EML6: variants seen among roughly 807,000 people sequenced by gnomAD.
EML6 encodes echinoderm microtubule-associated protein-like 6.
In EML6, 154 loss-of-function variants were observed where a neutral mutation model predicts 240.1. That is an observed-to-expected ratio of 0.64 (90% CI 0.56 to 0.73). EML6 has a LOEUF of 0.73. Among genes scored for constraint, EML6 ranks in the 30% least tolerant of loss-of-function variants. The pLI, the probability that EML6 is intolerant of heterozygous loss-of-function variation, is 0.00. For missense variants in EML6, 2,964 were observed against 2,474.6 expected, an observed-to-expected ratio of 1.20 and a Z score of -4.20; for synonymous variants, 1,148 against 899.0, an observed-to-expected ratio of 1.28 and a Z score of -4.95.
Position 54,789,898 on chromosome 2 carries a change from A to G in EML6, c.198-23334A>G, listed in dbSNP as rs528425255. Among the ~76,000 whole-genome samples, 49 of 152,354 alleles carry G rather than the reference A, an allele frequency of 3.2e-4. 1 individual carries two copies. Among genetic ancestry groups the G allele is most frequent in the African/African-American group, 1.0e-3 (43 of 41,580 alleles). On this transcript the variant is annotated intron_variant, in intron 2 of 41. Coordinates refer to ENST00000356458, the MANE Select transcript of EML6 (RefSeq NM_001039753.4). Reference sequence around the variant, plus strand: ...GAGAGCTTTATGACACAGAATATCTACAAATACTGATTGACTTCTCTGGCT... The same window carrying G: ...GAGAGCTTTATGACACAGAATATCTGCAAATACTGATTGACTTCTCTGGCT...
chr2:54,776,650 C>A (rs987362765), intron 2 of EML6, among the ~76,000 whole-genome samples: 1 of 152,084 alleles, frequency 6.6e-6, no homozygotes, highest in African/African-American at 2.4e-5. Flanking sequence ...CAGCATTATG[C>A]AATACATGCA....
At chr2:54,937,299 C>G (rs34455501) in intron 28 of EML6, among the ~76,000 whole-genome samples, 1 of 148,848 alleles carries the variant, frequency 6.7e-6, no homozygotes, top group Non-Finnish European at 1.5e-5. Flanking sequence ...AAGAAGAAGT[C>G]TTAGGCTAAG....
chr2:54,831,445 G>A (rs1572967357), intron 7 of EML6, among the ~76,000 whole-genome samples: 1 of 152,124 alleles, frequency 6.6e-6, no homozygotes, highest in Non-Finnish European at 1.5e-5. Context: ...GTGTAACCAG[G>A]TGTGGTACTG....
At chr2:54,848,585 G>A (rs1475910071) in intron 9 of EML6, among the ~76,000 whole-genome samples, 1 of 142,050 alleles carries the variant, frequency 7.0e-6, no homozygotes, top group Admixed American at 7.3e-5. Flanking sequence ...TGACATTCTA[G>A]TACACCATAA....
chr2:54,922,676 A>G (rs1674320801), intron 26 of EML6, among the ~76,000 whole-genome samples: 1 of 152,212 alleles, frequency 6.6e-6, no homozygotes, highest in South Asian at 2.1e-4. Context: ...TAAGGAAATT[A>G]TTGTGTATAT....
chr2:54,795,569 T>C (rs188607321), intron 2 of EML6, among the ~76,000 whole-genome samples: 6 of 152,230 alleles, frequency 3.9e-5, no homozygotes, highest in African/African-American at 1.4e-4. Context: ...AAGCATGGTG[T>C]AGCATCCTGC....
intron 2 of EML6, chr2:54,748,419 AGTATCTTG>A (rs1303852957): frequency 2.0e-5 from 3 of 152,212 alleles, no homozygotes; most frequent in Non-Finnish European, 4.4e-5. Context: ...AAAGGGCCAG[AGTATCTTG>A]TTTGCTGTCT....
intron 2 of EML6, among the ~76,000 whole-genome samples, chr2:54,811,620 T>C (rs1242812074): frequency 6.6e-6 from 1 of 152,204 alleles, no homozygotes; most frequent in African/African-American, 2.4e-5. Flanking sequence ...GTCCCTGACA[T>C]ATCATAGGTC....
At chr2:54,940,027 A>T (rs950759734) in intron 28 of EML6, among the ~76,000 whole-genome samples, 42 of 152,318 alleles carry the variant, frequency 2.8e-4, no homozygotes, top group Non-Finnish European at 3.5e-4. Context: ...ATTCACTGTC[A>T]ATCTATGGCA....
At chr2:54,850,588 C>T (rs921300888) in intron 10 of EML6, among the ~76,000 whole-genome samples, 1 of 146,142 alleles carries the variant, frequency 6.8e-6, no homozygotes, top group Admixed American at 6.8e-5. Context: ...GAAAAAAAAA[C>T]ATTAGAAAAA....
At chr2:54,962,810 G>C (rs901042858) in intron 36 of EML6, 99 bp downstream of exon 36, 39 of 973,954 alleles carry the variant, frequency 4.0e-5, no homozygotes, top group Non-Finnish European at 5.4e-5. Context: ...GGCAGAGACG[G>C]GGATGGGGCC....
At chr2:54,901,876 C>T (rs774017150) in intron 22 of EML6, among the ~76,000 whole-genome samples, 12 of 152,290 alleles carry the variant, frequency 7.9e-5, no homozygotes, top group Non-Finnish European at 1.5e-4. Flanking sequence ...AATCAGTTTC[C>T]TTTTAGACAT....
At chr2:54,840,387 A>G (rs1419166691) in intron 7 of EML6, among the ~76,000 whole-genome samples, 2 of 152,250 alleles carry the variant, frequency 1.3e-5, no homozygotes, top group Non-Finnish European at 2.9e-5. Context: ...GTATATGTCT[A>G]TATCTGTATA....
intron 17 of EML6, chr2:54,882,124 A>G (rs562862151): frequency 6.6e-5 from 10 of 152,350 alleles, no homozygotes; most frequent in African/African-American, 9.6e-5. Flanking sequence ...GAATTGGACC[A>G]TAGAGATCTT....
In EML6 at chr2:54,964,050, A is replaced by C; in HGVS notation, c.5222A>C (p.Glu1741Ala). ...ARCAAYSPDG[E>A]MVAIGMKNGE... is the part of the protein sequence containing the mutation. Reference sequence around the variant, plus strand: ...TGTGCAGCCTACAGCCCTGATGGGGAGATGGTGGCCATTGGCATGAAGAAT... The same window carrying C: ...TGTGCAGCCTACAGCCCTGATGGGGCGATGGTGGCCATTGGCATGAAGAAT... Residue 1741 changes from glutamate to alanine, a missense_variant, in exon 37 of 42, where the codon GAG becomes GCG. By Grantham distance (107) the Glu-to-Ala change is moderately radical. Transcript: ENST00000356458. The C allele has an allele frequency of 6.4e-7, 1 of 1,551,714 alleles. No homozygotes were observed. The highest frequency in any genetic ancestry group is 8.7e-7 in the Non-Finnish European group (1 of 1,146,996).
At chr2:54,936,408 T>G (rs1485056301) in intron 28 of EML6, among the ~76,000 whole-genome samples, 1 of 152,230 alleles carries the variant, frequency 6.6e-6, no homozygotes, top group African/African-American at 2.4e-5. Context: ...TGTCCTCATT[T>G]CTTCCTCACT....
intron 24 of EML6, among the ~76,000 whole-genome samples, chr2:54,904,078 G>C (rs1006406215): frequency 6.6e-5 from 10 of 152,168 alleles, no homozygotes; most frequent in African/African-American, 2.4e-4. Context: ...ATAGTCTTAA[G>C]CTAGCAAATG....
chr2:54,927,678 C>A (rs573624955), intron 26 of EML6, among the ~76,000 whole-genome samples: 1 of 152,168 alleles, frequency 6.6e-6, no homozygotes, highest in Admixed American at 6.5e-5. Context: ...GTGGGGTGGC[C>A]TGGGCACACC....
At chr2:54,923,651 A>G (rs1014091800) in intron 26 of EML6, among the ~76,000 whole-genome samples, 1 of 152,200 alleles carries the variant, frequency 6.6e-6, no homozygotes. Flanking sequence ...TAAAATTTAT[A>G]TTCAGTTGAA....
Sources: gnomAD v4.1 joint callset for allele counts (sites outside exome capture counted in the v4.1 genomes callset) on GRCh38, gnomAD v4.1.1 for gene constraint, MANE v1.5 for transcripts, NCBI Gene and HGNC (gene_info 2026-07-23, HGNC 2026-07-21) for gene names.